TYW1B: variants seen among roughly 807,000 people sequenced by gnomAD.
TYW1B encodes tRNA-yW synthesizing protein 1 homolog B.
A neutral mutation model predicts 86.9 loss-of-function variants in TYW1B; 73 were observed. That is an observed-to-expected ratio of 0.84 (90% CI 0.70 to 1.02). The LOEUF is 1.02. Among genes scored for constraint, TYW1B ranks in the 50% least tolerant of loss-of-function variants. The pLI is 0.00. For missense variants in TYW1B, 637 were observed against 827.4 expected (o/e 0.77, Z 2.82); for synonymous variants, 248 against 292.8 (o/e 0.85, Z 1.56).
chr7:72,797,049 C>T (rs564443066), intron 6 of TYW1B, among the ~76,000 whole-genome samples: 166 of 152,142 alleles, frequency 1.1e-3, no homozygotes, highest in African/African-American at 3.7e-3. Context: ...TCAGGTGATC[C>T]GCCTGCCTCA....
intron 13 of TYW1B, among the ~76,000 whole-genome samples, chr7:72,607,972 T>A (rs1554435183): frequency 6.6e-6 from 1 of 152,190 alleles, no homozygotes. Context: ...GAGAGAAATG[T>A]CTTACCTAAA....
rs533796123 is a variant in TYW1B at position 72,622,913 on chromosome 7, C to T, written c.1617+5974G>A. Among the ~76,000 whole-genome samples the T allele has an allele frequency of 5.3e-5, 8 of 152,256 alleles. No homozygotes were observed. The East Asian group carries it at 7.7e-4, about 15-fold the overall frequency. ...GCATGCCTGGCCATGACGCCACTCC[C>T]GCATTTACAGTCGCCCTTCCTGACC... On this transcript the variant is annotated intron_variant, in intron 12 of 13. Transcript: ENST00000620995.
chr7:72,810,630 C>A lies in TYW1B; in HGVS notation c.273G>T (p.Ala91=). ...CGGTTGGTAGGCCGTCAGTGTATGT[C>A]GCAACCAGGAAGACACAGACATTTT... ...TSKNVCVFLV[A]TYTDGLPTES... The change falls in exon 4 of 14, where the codon GCG becomes GCT. Residue 91 remains alanine, a synonymous_variant. Transcript: ENST00000620995. The A allele has an allele frequency of 1.9e-6, 3 of 1,613,320 alleles. No individual in the cohort carries two copies. Among genetic ancestry groups the A allele is most frequent in the South Asian group, 1.1e-5 (1 of 91,010 alleles).
intron 5 of TYW1B, among the ~76,000 whole-genome samples, chr7:72,806,032 G>A (rs1788487911): frequency 6.6e-6 from 1 of 152,220 alleles, no homozygotes; most frequent in East Asian, 1.9e-4. Flanking sequence ...AATCTAGGAT[G>A]ACTTGCAGCC....
intron 10 of TYW1B, among the ~76,000 whole-genome samples, chr7:72,705,192 T>C (rs1814583639): frequency 6.6e-6 from 1 of 152,198 alleles, no homozygotes; most frequent in Non-Finnish European, 1.5e-5. Flanking sequence ...AGCTAACTCA[T>C]ACAAGAAAAC....
Position 72,574,935 on chromosome 7 carries a change from A to G in TYW1B, c.*563T>C, listed in dbSNP as rs1810984457. The G allele has an allele frequency of 3.0e-6, 3 of 986,852 alleles. No homozygotes were observed. The highest frequency in any genetic ancestry group is 3.6e-6 in the Non-Finnish European group (3 of 830,898). The allele number at this position is 986,852 out of a possible 1,614,324, so 61.1% of individuals were successfully genotyped here. On this transcript the variant is annotated 3_prime_UTR_variant, in exon 14 of 14. Transcript: ENST00000620995. ...CAATTTTGGGAAGGGTTAGTAATAA[A>G]CCAAAACTCAATCTATGCAGTATTT...
In TYW1B at chr7:72,605,339, G is replaced by GT. The variant is rs797039028; in HGVS notation, c.1785+11332dup. On this transcript the variant is annotated intron_variant, in intron 13 of 13. Coordinates refer to ENST00000620995, the MANE Select transcript of TYW1B (RefSeq NM_001145440.3). ...TCTGGAATCCCTCTGGAATGTTGTG[G>GT]TTTTTTTTTTGTTTGTTTTGTTTTT... Among the ~76,000 whole-genome samples, 1,034 of 145,586 alleles carry GT rather than the reference G, an allele frequency of 7.1e-3. 5 individuals are homozygous for GT. Among genetic ancestry groups the GT allele is most frequent in the African/African-American group, 0.023 (931 of 39,798 alleles).
chr7:72,820,808 A>G (rs1788813813), intron 2 of TYW1B, among the ~76,000 whole-genome samples: 1 of 152,242 alleles, frequency 6.6e-6, no homozygotes, highest in South Asian at 2.1e-4. Context: ...TTGGGGGAAC[A>G]AACAACAAAT....
intron 7 of TYW1B, among the ~76,000 whole-genome samples, chr7:72,765,012 A>C (rs1554468077): frequency 2.0e-5 from 3 of 152,184 alleles, no homozygotes; most frequent in Admixed American, 1.3e-4. Flanking sequence ...ATATAAATTC[A>C]ATAAAAATCT....
intron 13 of TYW1B, among the ~76,000 whole-genome samples, chr7:72,588,532 C>T (rs1255086822): frequency 2.6e-5 from 4 of 152,158 alleles, no homozygotes; most frequent in Non-Finnish European, 4.4e-5. Flanking sequence ...CCTCCCTTCA[C>T]AGACTACAAG....
intron 10 of TYW1B, among the ~76,000 whole-genome samples, chr7:72,712,120 G>A (rs1786680145): frequency 6.6e-6 from 1 of 151,918 alleles, no homozygotes; most frequent in Admixed American, 6.6e-5. Flanking sequence ...TCCCTATAAG[G>A]AGAGCCCTCC....
chr7:72,791,571 A>G (rs1585986637), intron 6 of TYW1B, among the ~76,000 whole-genome samples: 3 of 152,030 alleles, frequency 2.0e-5, no homozygotes, highest in Admixed American at 2.0e-4. Context: ...AGATCAGGAA[A>G]TCGGGACCAT....
chr7:72,696,490 T>G (rs1814323885), intron 10 of TYW1B, among the ~76,000 whole-genome samples: 1 of 152,240 alleles, frequency 6.6e-6, no homozygotes. Context: ...ATCATTCACA[T>G]TCCATACAAT....
intron 8 of TYW1B, among the ~76,000 whole-genome samples, chr7:72,735,096 T>C (rs1237705238): frequency 2.6e-5 from 4 of 152,144 alleles, no homozygotes; most frequent in African/African-American, 9.7e-5. Context: ...GCAACCCCAC[T>C]ACTGAATATA....
At chr7:72,792,503 G>C (rs1788237352) in intron 6 of TYW1B, among the ~76,000 whole-genome samples, 1 of 152,166 alleles carries the variant, frequency 6.6e-6, no homozygotes, top group African/African-American at 2.4e-5. Flanking sequence ...CTCAGATGTA[G>C]AGAACAAGTA....
In TYW1B at chr7:72,742,124, G is replaced by A. The variant is rs1585946697; in HGVS notation, c.1082+2360C>T. 2.0e-5 allele frequency among the ~76,000 whole-genome samples: 3 copies of A among 152,142 alleles called. No homozygotes were observed. In the East Asian group the frequency reaches 5.8e-4, roughly 29 times the overall value. ...TATTTTTGGATTTTTATTTGTTTGT[G>A]TTTGTTTTTCATTTGTTTGTTTTGA... is the stretch of plus-strand genomic sequence containing the variant. On this transcript the variant is annotated intron_variant, in intron 8 of 13. Transcript: ENST00000620995.
rs148586220 is a variant in TYW1B at position 72,580,064 on chromosome 7, G to A, written c.1786-4345C>T. Among the ~76,000 whole-genome samples, 521 of 152,264 alleles carry A rather than the reference G, an allele frequency of 3.4e-3. 1 individual carries two copies. The highest frequency in any genetic ancestry group is 0.011 in the African/African-American group (472 of 41,544). ...CCCCATCTCCAAATATAGCCACACT[G>A]GGAATTAGGACCTCAACCTATGAAC... On this transcript the variant is annotated intron_variant, in intron 13 of 13. Transcript: ENST00000620995.
intron 13 of TYW1B, among the ~76,000 whole-genome samples, chr7:72,578,261 C>T (rs1811073173): frequency 6.6e-6 from 1 of 152,020 alleles, no homozygotes; most frequent in African/African-American, 2.4e-5. Context: ...CTACAGGCGA[C>T]CACCACCACG....
At chr7:72,825,256 A>C (rs1179337704) in intron 2 of TYW1B, among the ~76,000 whole-genome samples, 1 of 152,206 alleles carries the variant, frequency 6.6e-6, no homozygotes, top group Non-Finnish European at 1.5e-5. Flanking sequence ...CTACAGCCAG[A>C]CACTGTTCCC....
Sources: allele counts gnomAD v4.1 joint callset (sites outside exome capture counted in the v4.1 genomes callset), GRCh38; gene constraint gnomAD v4.1.1; transcripts MANE v1.5; gene names NCBI Gene and HGNC (gene_info 2026-07-23, HGNC 2026-07-21).